The following C1orf232 variants were observed in gnomAD, a reference collection of about 807,000 sequenced individuals.
The protein encoded by C1orf232 is chromosome 1 open reading frame 230.
C1orf232 carries 10 observed loss-of-function variants against 12.1 expected under a neutral mutation model. The observed-to-expected ratio is 0.82, with a 90% CI of 0.51 to 1.40. The LOEUF is 1.40. Ranked by LOEUF, C1orf232 falls within the 40% of genes most tolerant of loss-of-function variation. C1orf232 has a pLI of 0.00. For missense variants in C1orf232, 88 were observed against 98.4 expected (o/e 0.89, Z 0.45); for synonymous variants, 36 against 39.8 (o/e 0.90, Z 0.36).
At chr1:26,166,473 C>A (rs749853503) in intron 1 of C1orf232, among the ~76,000 whole-genome samples, 4 of 152,096 alleles carry the variant, frequency 2.6e-5, no homozygotes, top group Non-Finnish European at 5.9e-5. Context: ...CACCCACCAC[C>A]GCCCTGCTAA....
rs573348982 is a variant in C1orf232, at chr1:26,166,066, G to C, written c.137C>G (p.Thr46Ser). Residue 46 changes from threonine (T) to serine (S), a missense_variant, in exon 2 of 4, where the codon ACC becomes AGC. Transcript: ENST00000634842. Reference protein sequence around the residue: ...GSETAEPTEETFNPMSQLARR... With the variant: ...GSETAEPTEESFNPMSQLARR... ...GGCCAGCTGTGACATGGGATTGAAG[G>C]TCTCCTCGGTCGGTTCTGCTGTCTC... 8.1e-7 allele frequency: 1 copy of C among 1,231,686 alleles called. No homozygotes were observed. Among genetic ancestry groups the C allele is most frequent in the South Asian group, 4.1e-5 (1 of 24,316 alleles). 76.3% of individuals were successfully genotyped at this position (1,231,686 alleles called of 1,614,324 possible). A position where few individuals can be genotyped will look rare whatever the true frequency, so the allele number is the denominator to read the frequency against.
intron 3 of C1orf232, among the ~76,000 whole-genome samples, chr1:26,165,390 ACT>A (rs1340536357): frequency 7.2e-5 from 11 of 152,066 alleles, no homozygotes; most frequent in Admixed American, 3.9e-4. Flanking sequence ...GATCCCCAAG[ACT>A]CTGCCACACC....
rs1053837531 is a variant in C1orf232, at chr1:26,166,051, G to A, written c.152C>T (p.Ser51Leu). 1.6e-6 allele frequency: 2 copies of A among 1,231,742 alleles called. No homozygotes were observed. Among genetic ancestry groups the A allele is most frequent in the East Asian group, 6.3e-5 (2 of 31,696 alleles). The allele number at this position is 1,231,742 out of a possible 1,614,324, so 76.3% of individuals were successfully genotyped here. ...EPTEETFNPM[S>L]QLARRVQGVG... ...AATACTCACCCGGCGGGCCAGCTGTGACATGGGATTGAAGGTCTCCTCGGT... is the reference window on the plus strand; with the variant it reads ...AATACTCACCCGGCGGGCCAGCTGTAACATGGGATTGAAGGTCTCCTCGGT... Residue 51 changes from serine to leucine, a missense_variant, in exon 2 of 4, where the codon TCA (serine) becomes TTA (leucine). By Grantham distance (145) the Ser-to-Leu change is moderately radical (BLOSUM62 -2). Transcript: ENST00000634842.
chr1:26,166,499 T>C lies in C1orf232; in HGVS notation c.85-381A>G, dbSNP rs940732574. Reference sequence around the variant, plus strand: ...GCCCTGCTAATTTTTGTATTTTAAATAGAGATGGGGTTTTGCCATGTTGGC... The same window carrying C: ...GCCCTGCTAATTTTTGTATTTTAAACAGAGATGGGGTTTTGCCATGTTGGC... On this transcript the variant is annotated intron_variant, in intron 1 of 3. Transcript: ENST00000634842. 2.0e-5 allele frequency among the ~76,000 whole-genome samples: 3 copies of C among 151,752 alleles called. No individual in the cohort carries two copies. In the East Asian group the frequency reaches 5.8e-4, roughly 29 times the overall value.
At position 26,164,355 on chromosome 1, in the gene C1orf232, C is replaced by CCTG; in HGVS notation, c.364_366dup (p.Gln122dup). 2 of 394,996 alleles carry CCTG rather than the reference C, an allele frequency of 5.1e-6. No homozygotes were observed. Among genetic ancestry groups the CCTG allele is most frequent in the Non-Finnish European group, 8.9e-6 (2 of 223,756 alleles). 24.5% of individuals were successfully genotyped at this position (394,996 alleles called of 1,614,324 possible). Reference sequence around the variant, plus strand: ...CCGCGCAGCATGGACGCCGCCGCGGCCTGCTGCTGCTGCCACCTGCTGGCG... The same window carrying CCTG: ...CCGCGCAGCATGGACGCCGCCGCGGCCTGCTGCTGCTGCTGCCACCTGCTGGCG... On this transcript the variant is annotated inframe_insertion, in exon 4 of 4. Transcript: ENST00000634842. The surrounding 1 kb of genome is among the most constrained non-coding windows in gnomAD (Gnocchi z 4.2).
chr1:26,165,865 T>C lies in C1orf232; in HGVS notation c.227A>G (p.Asp76Gly), dbSNP rs1291913725. The C allele has an allele frequency of 2.4e-6, 3 of 1,231,658 alleles. No individual in the cohort carries two copies. Among genetic ancestry groups the C allele is most frequent in the Non-Finnish European group, 3.0e-6 (3 of 987,982 alleles). The allele number at this position is 1,231,658 out of a possible 1,614,324, so 76.3% of individuals were successfully genotyped here. The change falls in exon 3 of 4, where the codon GAT becomes GGT. Residue 76 changes from aspartate to glycine, a missense_variant. Coordinates refer to ENST00000634842, the MANE Select transcript of C1orf232 (RefSeq NM_001364669.2). ...CTCTGATGGCAGCAGCTTATCTTCA[T>C]CTTCTTTGTTAAACAGAGATGACAT... ...LTMSSLFNKE[D>G]EDKLLPSEPC...
chr1:26,166,827 A>G (rs902950956), intron 1 of C1orf232, among the ~76,000 whole-genome samples: 4 of 152,208 alleles, frequency 2.6e-5, no homozygotes, highest in Admixed American at 6.5e-5. Context: ...ACACCTGTGC[A>G]CTTATACAAC....
chr1:26,165,627 C>T (rs565730866), intron 3 of C1orf232, 199 bp downstream of exon 3: 4 of 977,396 alleles, frequency 4.1e-6, no homozygotes, highest in South Asian at 5.4e-5. Context: ...AACAGCTGGT[C>T]GATTCCTCCT....
intron 3 of C1orf232, chr1:26,165,577 G>A (rs2088416614): frequency 1.9e-6 from 1 of 534,086 alleles, no homozygotes; most frequent in South Asian, 1.0e-4. Flanking sequence ...AAGCGGATGG[G>A]TCGTGAGAGC....
chr1:26,168,303 C>G, intron 1 of C1orf232, 113 bp downstream of exon 1: 1 of 677,074 alleles, frequency 1.5e-6, no homozygotes, highest in Non-Finnish European at 2.1e-6. Flanking sequence ...AATGTGGCAT[C>G]TGCACAAATG....
intron 3 of C1orf232, chr1:26,165,565 C>T (rs2124494374): frequency 4.2e-6 from 2 of 480,232 alleles, no homozygotes; most frequent in Non-Finnish European, 6.6e-6. Context: ...ATGGCCCCTC[C>T]CAAGCGGATG....
rs1557611582 is a variant in C1orf232, at chr1:26,164,654, G to A, written c.267-199C>T. ...CCTGGAGGCAAGGGGAGGGCTCAGA[G>A]GCCCTGGGAAAGGGGTCTGGGGTGG... On this transcript the variant is annotated intron_variant, in intron 3 of 3. Coordinates refer to ENST00000634842, the MANE Select transcript of C1orf232 (RefSeq NM_001364669.2). The surrounding 1 kb of genome is among the most constrained non-coding windows in gnomAD (Gnocchi z 4.2). Among the ~76,000 whole-genome samples, 2 of 152,102 alleles carry A rather than the reference G, an allele frequency of 1.3e-5. No individual in the cohort carries two copies. The highest frequency in any genetic ancestry group is 2.9e-5 in the Non-Finnish European group (2 of 68,010).
At chr1:26,165,620 A>T (rs2088417165) in intron 3 of C1orf232, 2 of 911,046 alleles carry the variant, frequency 2.2e-6, no homozygotes, top group South Asian at 1.2e-4. Context: ...CAATCCCAAC[A>T]GCTGGTCGAT....
rs2088397127 is a variant in C1orf232 at position 26,164,159 on chromosome 1, T to G, written c.*2A>C. Reference sequence around the variant, plus strand: ...CAGCGGGCGCGGGGTTCTGCCAGCCTGCTAGTCACCCTTGGGCGCAGCCTT... The same window carrying G: ...CAGCGGGCGCGGGGTTCTGCCAGCCGGCTAGTCACCCTTGGGCGCAGCCTT... On this transcript the variant is annotated 3_prime_UTR_variant, in exon 4 of 4. Coordinates refer to ENST00000634842, the MANE Select transcript of C1orf232 (RefSeq NM_001364669.2). The surrounding 1 kb of genome is among the most constrained non-coding windows in gnomAD (Gnocchi z 4.2). 5.0e-6 allele frequency: 2 copies of G among 398,322 alleles called. No individual in the cohort carries two copies. Among genetic ancestry groups the G allele is most frequent in the South Asian group, 2.5e-4 (2 of 7,864 alleles). The allele number at this position is 398,322 out of a possible 1,614,324, so 24.7% of individuals were successfully genotyped here. A position where few individuals can be genotyped will look rare whatever the true frequency, so the allele number is the denominator to read the frequency against.
intron 1 of C1orf232, among the ~76,000 whole-genome samples, chr1:26,166,762 A>G (rs1368168076): frequency 6.6e-6 from 1 of 152,212 alleles, no homozygotes; most frequent in Non-Finnish European, 1.5e-5. Flanking sequence ...TCACCTGTAC[A>G]TAGACATACG....
At chr1:26,167,372 T>C (rs1405500922) in intron 1 of C1orf232, among the ~76,000 whole-genome samples, 4 of 152,182 alleles carry the variant, frequency 2.6e-5, no homozygotes, top group Admixed American at 1.3e-4. Context: ...TATTTTTTTG[T>C]TGAGATAGGG....
chr1:26,166,230 T>A, intron 1 of C1orf232, 112 bp from the exon 2 acceptor site: 1 of 647,640 alleles, frequency 1.5e-6, no homozygotes, highest in Non-Finnish European at 2.2e-6. Context: ...CCCACAGAAC[T>A]AAACACACAC....
chr1:26,167,694 T>C lies in C1orf232; in HGVS notation c.84+722A>G, dbSNP rs1027801113. Among the ~76,000 whole-genome samples, 10 of 152,262 alleles carry C rather than the reference T, an allele frequency of 6.6e-5. 4 individuals carry two copies. Among genetic ancestry groups the C allele is most frequent in the Admixed American group, 5.9e-4 (9 of 15,308 alleles). On this transcript the variant is annotated intron_variant, in intron 1 of 3. Coordinates refer to ENST00000634842, the MANE Select transcript of C1orf232 (RefSeq NM_001364669.2). The stretch of plus-strand genomic sequence containing the variant: ...TGGAGTGCAATGGCTCAATCTCAGC[T>C]CATTGCAACCTCTGCCTCCCAGGCT...
chr1:26,167,522 G>A (rs1051958815), intron 1 of C1orf232, among the ~76,000 whole-genome samples: 1 of 151,970 alleles, frequency 6.6e-6, no homozygotes, highest in South Asian at 2.1e-4. Context: ...GCAGGGTTTC[G>A]CCATGTTAGC....
Sources: gnomAD v4.1 joint callset for allele counts (sites outside exome capture counted in the v4.1 genomes callset) on GRCh38, gnomAD v4.1.1 for gene constraint, Gnocchi (gnomAD v3.1) non-coding constraint, MANE v1.5 for transcripts, NCBI Gene and HGNC (gene_info 2026-07-23, HGNC 2026-07-21) for gene names.